The following CLMP variants were observed in gnomAD, a reference collection of about 807,000 sequenced individuals.
CLMP encodes the protein CXADR-like membrane protein.
In CLMP, 27 loss-of-function variants were observed where a neutral mutation model predicts 45.2. The ratio of observed to expected loss-of-function variants is 0.60; its 90% CI spans 0.44 to 0.82. The LOEUF (loss-of-function observed/expected upper bound fraction) is 0.82, where lower values mean the gene tolerates loss of function less well. CLMP is among the 40% of genes least tolerant of loss of function. CLMP has a pLI of 0.00. For missense variants in CLMP, 403 were observed against 448.4 expected (o/e 0.90, Z 0.91); for synonymous variants, 167 against 171.4 (o/e 0.97, Z 0.20).
rs1291769218 is a variant in CLMP, at chr11:123,194,905, G to T, written c.28+8C>A. The T allele has an allele frequency of 1.9e-6, 3 of 1,613,354 alleles. No individual in the cohort carries two copies. The highest frequency in any genetic ancestry group is 2.5e-6 in the Non-Finnish European group (3 of 1,179,640). On this transcript the variant is annotated splice_region_variant and intron_variant, in intron 1 of 6. Transcript: ENST00000448775. ...CATCCAAACTCCCGCCCTCCCAGAG[G>T]CACTCACCTAGCAAGAGGAGAAGGA...
At chr11:123,082,730 C>T (rs1865820436) in intron 5 of CLMP, among the ~76,000 whole-genome samples, 1 of 151,962 alleles carries the variant, frequency 6.6e-6, no homozygotes, top group African/African-American at 2.4e-5. Flanking sequence ...CCTGCCTCAG[C>T]TTCCTGAGTA....
chr11:123,175,998 T>C (rs1861693857), intron 1 of CLMP, among the ~76,000 whole-genome samples: 1 of 152,142 alleles, frequency 6.6e-6, no homozygotes, highest in Non-Finnish European at 1.5e-5. Flanking sequence ...ACATTTTCAT[T>C]GCCTCACAGG....
intron 1 of CLMP, among the ~76,000 whole-genome samples, chr11:123,193,309 T>G (rs2135555780): frequency 1.3e-5 from 2 of 152,362 alleles, no homozygotes; most frequent in African/African-American, 4.8e-5. Context: ...ATAGGCTTGT[T>G]GTGAAGAACA....
chr11:123,096,804 CTTTTGTTTTGT>C, intron 2 of CLMP, among the ~76,000 whole-genome samples: 1 of 152,124 alleles, frequency 6.6e-6, no homozygotes, highest in Admixed American at 6.6e-5. Flanking sequence ...CTTTCTTTTG[CTTTTGTTTTGT>C]TTTTGTTTTT....
intron 1 of CLMP, among the ~76,000 whole-genome samples, chr11:123,131,446 G>A (rs1276951995): frequency 6.6e-6 from 1 of 152,052 alleles, no homozygotes; most frequent in East Asian, 1.9e-4. Flanking sequence ...AAGATTAGAA[G>A]CAAAACAAAA....
At chr11:123,081,981 T>C (rs1865809642) in intron 5 of CLMP, among the ~76,000 whole-genome samples, 1 of 152,190 alleles carries the variant, frequency 6.6e-6, no homozygotes, top group African/African-American at 2.4e-5. Flanking sequence ...GTGATTGAAA[T>C]CCAGGCAGTT....
intron 1 of CLMP, among the ~76,000 whole-genome samples, chr11:123,106,483 T>C (rs1273583168): frequency 6.6e-6 from 1 of 150,748 alleles, no homozygotes; most frequent in Non-Finnish European, 1.5e-5. Context: ...CTGTATGCAG[T>C]TCAAGACACA....
intron 2 of CLMP, among the ~76,000 whole-genome samples, chr11:123,092,337 G>A (rs927322090): frequency 5.3e-5 from 8 of 150,142 alleles, no homozygotes; most frequent in South Asian, 2.1e-4. Context: ...TAGCTCTGTC[G>A]CCCAGGTTGG....
chr11:123,184,980 G>A (rs1167521439), intron 1 of CLMP, among the ~76,000 whole-genome samples: 1 of 152,182 alleles, frequency 6.6e-6, no homozygotes, highest in Admixed American at 6.5e-5. Flanking sequence ...GTGTGGACAA[G>A]GTGCTCTCGG....
At chr11:123,192,305 G>A (rs1490498361) in intron 1 of CLMP, among the ~76,000 whole-genome samples, 2 of 152,134 alleles carry the variant, frequency 1.3e-5, no homozygotes, top group African/African-American at 2.4e-5. Flanking sequence ...TTGGAAGAAG[G>A]GAGAAAAACC....
intron 2 of CLMP, among the ~76,000 whole-genome samples, chr11:123,084,919 C>CA (rs1433933590): frequency 7.2e-5 from 11 of 152,198 alleles, no homozygotes; most frequent in Admixed American, 5.2e-4. Flanking sequence ...AAAATAATAA[C>CA]ACTTCATGTT....
At chr11:123,142,181 T>C (rs2135517897) in intron 1 of CLMP, among the ~76,000 whole-genome samples, 1 of 152,154 alleles carries the variant, frequency 6.6e-6, no homozygotes, top group African/African-American at 2.4e-5. Context: ...GATGGAGTTT[T>C]GCCATGTTGC....
At chr11:123,102,062 T>C (rs935225128) in intron 1 of CLMP, among the ~76,000 whole-genome samples, 2 of 151,884 alleles carry the variant, frequency 1.3e-5, no homozygotes, top group African/African-American at 4.8e-5. Flanking sequence ...GCCCAGCCTG[T>C]AGTCCCAGCT....
At chr11:123,135,736 A>G (rs549233102) in intron 1 of CLMP, among the ~76,000 whole-genome samples, 14 of 152,166 alleles carry the variant, frequency 9.2e-5, no homozygotes, top group South Asian at 8.3e-4. Context: ...CAGGAATACT[A>G]TTGTCGCAGA....
chr11:123,162,870 A>C (rs1337387564), intron 1 of CLMP, among the ~76,000 whole-genome samples: 1 of 151,506 alleles, frequency 6.6e-6, no homozygotes, highest in Non-Finnish European at 1.5e-5. Flanking sequence ...GCACCACCGC[A>C]CTCCAGCCTG....
At chr11:123,194,156 C>A (rs1861946359) in intron 1 of CLMP, among the ~76,000 whole-genome samples, 1 of 152,092 alleles carries the variant, frequency 6.6e-6, no homozygotes, top group South Asian at 2.1e-4. Context: ...AGAGTCCTGC[C>A]TGGGGGACCC....
chr11:123,130,833 T>C (rs972220992), intron 1 of CLMP, among the ~76,000 whole-genome samples: 1 of 150,794 alleles, frequency 6.6e-6, no homozygotes, highest in African/African-American at 2.5e-5. Flanking sequence ...AATCGTTTTT[T>C]TCTTTTCCTT....
chr11:123,140,280 C>G (rs900379293), intron 1 of CLMP, among the ~76,000 whole-genome samples: 5 of 152,052 alleles, frequency 3.3e-5, no homozygotes, highest in African/African-American at 1.2e-4. Context: ...AAAAATTAAA[C>G]CTAAAATATC....
intron 1 of CLMP, among the ~76,000 whole-genome samples, chr11:123,163,869 CT>C (rs2135535349): frequency 6.6e-6 from 1 of 152,314 alleles, no homozygotes; most frequent in East Asian, 1.9e-4. Flanking sequence ...AGTGTCTCTG[CT>C]TAAATTTCGA....
Sources: gnomAD v4.1 joint callset for allele counts (sites outside exome capture counted in the v4.1 genomes callset) on GRCh38, gnomAD v4.1.1 for gene constraint, MANE v1.5 for transcripts, NCBI Gene and HGNC (gene_info 2026-07-23, HGNC 2026-07-21) for gene names.